TMEM163: variants seen among roughly 807,000 people sequenced by gnomAD.
TMEM163 encodes transmembrane protein 163.
TMEM163 carries 17 observed loss-of-function variants against 29.3 expected under a neutral mutation model. The ratio of observed to expected loss-of-function variants is 0.58; its 90% CI spans 0.40 to 0.87. TMEM163 has a LOEUF of 0.87. TMEM163 is among the 40% of genes least tolerant of loss of function. TMEM163 has a pLI of 0.00. For missense variants in TMEM163, 303 were observed against 381.5 expected, an observed-to-expected ratio of 0.79 and a Z score of 1.71; for synonymous variants, 157 against 160.6, an observed-to-expected ratio of 0.98 and a Z score of 0.17.
At chr2:134,651,358 G>C (rs1011904758) in intron 2 of TMEM163, among the ~76,000 whole-genome samples, 4 of 141,358 alleles carry the variant, frequency 2.8e-5, no homozygotes, top group Non-Finnish European at 6.0e-5. Flanking sequence ...AGAAGTGTCT[G>C]TTCATGTCCT....
In TMEM163 at chr2:134,639,605, C is replaced by A. The variant is rs144566100; in HGVS notation, c.322+73595G>T. Among the ~76,000 whole-genome samples, 20 of 152,302 alleles carry A rather than the reference C, an allele frequency of 1.3e-4. No homozygotes were observed. In the East Asian group the frequency reaches 3.9e-3, roughly 29 times the overall value. On this transcript the variant is annotated intron_variant, in intron 2 of 7. Transcript: ENST00000281924. ...TGACACAGGCTGTCGTCTAAATGTG[C>A]TGTTTTTGTGTAACCTTATCCATGG... is the stretch of plus-strand genomic sequence containing the variant.
intron 5 of TMEM163, chr2:134,468,826 G>A (rs1488402877): frequency 1.3e-5 from 2 of 152,230 alleles, no homozygotes; most frequent in East Asian, 1.9e-4. Flanking sequence ...CTCCTAAAGG[G>A]AGCTGCAGAC....
intron 2 of TMEM163, among the ~76,000 whole-genome samples, chr2:134,585,637 G>A (rs571434885): frequency 6.6e-5 from 10 of 152,150 alleles, no homozygotes; most frequent in Admixed American, 1.3e-4. Flanking sequence ...AGCTACTAGG[G>A]AGGCTGAAGC....
chr2:134,496,792 A>C (rs1261029187), intron 5 of TMEM163, among the ~76,000 whole-genome samples: 1 of 151,790 alleles, frequency 6.6e-6, no homozygotes, highest in African/African-American at 2.4e-5. Context: ...CTTACAACAC[A>C]AAGTCATTTT....
chr2:134,568,205 A>G (rs958643097), intron 2 of TMEM163, among the ~76,000 whole-genome samples: 1 of 152,188 alleles, frequency 6.6e-6, no homozygotes, highest in African/African-American at 2.4e-5. Flanking sequence ...GAGTGTAAGT[A>G]TACAGGCCAC....
At chr2:134,534,983 T>C (rs1437696053) in intron 4 of TMEM163, among the ~76,000 whole-genome samples, 1 of 152,108 alleles carries the variant, frequency 6.6e-6, no homozygotes, top group African/African-American at 2.4e-5. Flanking sequence ...GAATGTCTCA[T>C]TTCCCAAACT....
chr2:134,471,386 G>A lies in TMEM163; in HGVS notation c.556-5161C>T, dbSNP rs113517619. On this transcript the variant is annotated intron_variant, in intron 5 of 7. Transcript: ENST00000281924. ...GAAGATCTTTTTCCCCACCACCGAC[G>A]TGCACCAAGGAAAGGCCACATGAGG... Among the ~76,000 whole-genome samples, 305 of 152,208 alleles carry A rather than the reference G, an allele frequency of 2.0e-3. 1 individual carries two copies. Among genetic ancestry groups the A allele is most frequent in the African/African-American group, 6.7e-3 (278 of 41,526 alleles).
intron 2 of TMEM163, among the ~76,000 whole-genome samples, chr2:134,584,635 G>GT (rs1418280275): frequency 2.9e-5 from 3 of 104,504 alleles, no homozygotes; most frequent in Admixed American, 2.4e-4. Flanking sequence ...GAAATTTCTA[G>GT]TAAAAAAAAA....
At chr2:134,671,143 C>T (rs1484744125) in intron 2 of TMEM163, among the ~76,000 whole-genome samples, 1 of 152,186 alleles carries the variant, frequency 6.6e-6, no homozygotes, top group Non-Finnish European at 1.5e-5. Flanking sequence ...GTGAGCTGGC[C>T]CTCAGCAAAG....
At chr2:134,494,366 A>C (rs1354634932) in intron 5 of TMEM163, among the ~76,000 whole-genome samples, 2 of 152,182 alleles carry the variant, frequency 1.3e-5, no homozygotes, top group African/African-American at 4.8e-5. Context: ...ATTGTTTTTA[A>C]AAACAATTAA....
intron 2 of TMEM163, among the ~76,000 whole-genome samples, chr2:134,616,145 G>A (rs1327047183): frequency 1.3e-5 from 2 of 152,216 alleles, no homozygotes; most frequent in Admixed American, 1.3e-4. Flanking sequence ...CAAAGATCAT[G>A]GCAACAGTTT....
At chr2:134,469,510 A>G (rs2106475589) in intron 5 of TMEM163, 1 of 152,358 alleles carries the variant, frequency 6.6e-6, no homozygotes, top group East Asian at 1.9e-4. Context: ...AACTGGAACT[A>G]CGTTGCCCAG....
At chr2:134,609,101 CCCCGAGAA>C (rs1418463687) in intron 2 of TMEM163, among the ~76,000 whole-genome samples, 45 of 58,456 alleles carry the variant, frequency 7.7e-4, no homozygotes, top group Admixed American at 1.2e-3. Flanking sequence ...GGAGGACAGA[CCCCGAGAA>C]CTGTGCTGGT....
At chr2:134,481,034 T>C (rs1687041172) in intron 5 of TMEM163, among the ~76,000 whole-genome samples, 1 of 152,120 alleles carries the variant, frequency 6.6e-6, no homozygotes, top group Non-Finnish European at 1.5e-5. Flanking sequence ...ACAATCACCA[T>C]GGATTAATTT....
chr2:134,515,071 TGGCAGTGGCAGCAAAA>T (rs1680029595), intron 4 of TMEM163, among the ~76,000 whole-genome samples: 1 of 152,232 alleles, frequency 6.6e-6, no homozygotes, highest in South Asian at 2.1e-4. Flanking sequence ...ACGCATCTTA[TGGCAGTGGCAGCAAAA>T]GGCTGTCTCA....
intron 2 of TMEM163, among the ~76,000 whole-genome samples, chr2:134,705,430 C>T (rs1464900446): frequency 2.0e-5 from 3 of 152,122 alleles, no homozygotes. Flanking sequence ...AGACGGCGAT[C>T]TATGAGCCAA....
intron 4 of TMEM163, among the ~76,000 whole-genome samples, chr2:134,536,198 C>T (rs1272572618): frequency 6.6e-6 from 1 of 151,136 alleles, no homozygotes; most frequent in South Asian, 2.1e-4. Flanking sequence ...AAGGGTACTA[C>T]ATTATGTATA....
rs1484320415 is a variant in TMEM163 at position 134,455,991 on chromosome 2, G to T, written c.*725C>A. The stretch of plus-strand genomic sequence containing the variant: ...ATATAGATATATGCATATACGGATA[G>T]ATTATATTTATTTATTACAAATAAA... On this transcript the variant is annotated 3_prime_UTR_variant, in exon 8 of 8. Transcript: ENST00000281924. 1.3e-5 allele frequency: 2 copies of T among 152,644 alleles called. No homozygotes were observed. Among genetic ancestry groups the T allele is most frequent in the Non-Finnish European group, 2.9e-5 (2 of 68,110 alleles). The allele number at this position is 152,644 out of a possible 1,614,324, so 9.5% of individuals were successfully genotyped here. A position where few individuals can be genotyped will look rare whatever the true frequency, so the allele number is the denominator to read the frequency against.
intron 2 of TMEM163, among the ~76,000 whole-genome samples, chr2:134,659,695 G>T (rs893485210): frequency 4.6e-5 from 7 of 152,196 alleles, no homozygotes; most frequent in Admixed American, 2.6e-4. Flanking sequence ...TATTTTAAAA[G>T]TCAACAAAGG....
Sources: allele counts gnomAD v4.1 joint callset (sites outside exome capture counted in the v4.1 genomes callset), GRCh38; gene constraint gnomAD v4.1.1; transcripts MANE v1.5; gene names NCBI Gene and HGNC (gene_info 2026-07-23, HGNC 2026-07-21).